Variants in PAQR4 observed in about 807,000 individuals in gnomAD.
The protein encoded by PAQR4 is progestin and adipoQ receptor family member IV.
In PAQR4, 26 loss-of-function variants were observed where a neutral mutation model predicts 20.9. The observed-to-expected ratio is 1.24, with a 90% confidence interval of 0.91 to 1.73. PAQR4 has a LOEUF of 1.73. Among genes scored for constraint, PAQR4 ranks in the 40% most tolerant of loss-of-function variants. PAQR4 has a pLI of 0.00. For missense variants in PAQR4, 400 were observed against 380.1 expected, an observed-to-expected ratio of 1.05 and a Z score of -0.44; for synonymous variants, 193 against 171.6, an observed-to-expected ratio of 1.12 and a Z score of -0.97.
rs191770526 is a variant in PAQR4, at chr16:2,971,038, G to A, written c.167-119G>A. On this transcript the variant is annotated intron_variant, in intron 1 of 2. Coordinates refer to ENST00000318782, the MANE Select transcript of PAQR4 (RefSeq NM_152341.5). ...GCCTGTCTCTGGCCAAGGCCAGGCC[G>A]CCAACTGGATGACAGCATTACCTGG... 250 of 1,035,810 alleles carry A rather than the reference G, an allele frequency of 2.4e-4. 1 individual carries two copies. In the African/African-American group the frequency reaches 3.0e-3, roughly 13 times the overall value. The allele number at this position is 1,035,810 out of a possible 1,614,324, so 64.2% of individuals were successfully genotyped here. A position where few individuals can be genotyped will look rare whatever the true frequency, so the allele number is the denominator to read the frequency against.
In PAQR4 at chr16:2,971,513, A is replaced by G; in HGVS notation, c.389-2A>G. 1.3e-6 allele frequency: 2 copies of G among 1,582,014 alleles called. No homozygotes were observed. The highest frequency in any genetic ancestry group is 1.7e-6 in the Non-Finnish European group (2 of 1,168,324). ...CCTCTCCTGTTCTCTCCTCTTGTGC[A>G]GGGGCCCTGCCCATCATCCACTGCA... On this transcript the variant is annotated splice_acceptor_variant, in intron 2 of 2. Transcript: ENST00000318782. LOFTEE classifies it high-confidence loss of function.
At chr16:2,971,102 G>A (rs1302822127) in intron 1 of PAQR4, 55 bp from the exon 2 acceptor site, 2 of 1,541,308 alleles carry the variant, frequency 1.3e-6, no homozygotes, top group African/African-American at 1.4e-5. Context: ...CTGAACCGTG[G>A]TCCCCTTGAG....
Position 2,969,617 on chromosome 16 carries a change from C to G in PAQR4, c.-58C>G. 7.1e-7 allele frequency: 1 copy of G among 1,412,100 alleles called. No individual in the cohort carries two copies. The highest frequency in any genetic ancestry group is 9.2e-7 in the Non-Finnish European group (1 of 1,087,948). 87.5% of individuals were successfully genotyped at this position (1,412,100 alleles called of 1,614,324 possible). A position where few individuals can be genotyped will look rare whatever the true frequency, so the allele number is the denominator to read the frequency against. ...TGATGGGCCTTCCCGCGCTGCGGCC[C>G]CACTGAGGAGGAGGCTCGGGGACAG... On this transcript the variant is annotated 5_prime_UTR_variant, in exon 1 of 3. Transcript: ENST00000318782.
At position 2,973,012 on chromosome 16, in the gene PAQR4, G is replaced by A; in HGVS notation, c.*1064G>A. On this transcript the variant is annotated 3_prime_UTR_variant, in exon 3 of 3. Transcript: ENST00000318782. ...AGGAGGTTCCGAGGCTCAAAGGAGG[G>A]GAAGGAGCCCCGAGGAGGCTCTGAG... is the stretch of plus-strand genomic sequence containing the variant. 1.2e-6 allele frequency: 2 copies of A among 1,610,602 alleles called. No individual in the cohort carries two copies. Among genetic ancestry groups the A allele is most frequent in the Non-Finnish European group, 1.7e-6 (2 of 1,179,224 alleles).
Position 2,971,185 on chromosome 16 carries a change from G to C in PAQR4, c.195G>C (p.Leu65=). ...TGGCCCTGCTGGGCTTCCTGGTGCTGGTGCCAATGACCATGCCCTGGGGTC... is the reference window on the plus strand; with the variant it reads ...TGGCCCTGCTGGGCTTCCTGGTGCTCGTGCCAATGACCATGCCCTGGGGTC... ...HGLALLGFLV[L]VPMTMPWGQL... Residue 65 remains leucine, a synonymous_variant, in exon 2 of 3, where the codon CTG becomes CTC. Coordinates refer to ENST00000318782, the MANE Select transcript of PAQR4 (RefSeq NM_152341.5). 3.1e-6 allele frequency: 5 copies of C among 1,613,400 alleles called. No individual in the cohort carries two copies. Among genetic ancestry groups the C allele is most frequent in the Non-Finnish European group, 4.2e-6 (5 of 1,179,988 alleles).
chr16:2,971,083 G>T, intron 1 of PAQR4, 74 bp from the exon 2 acceptor site: 1 of 1,442,630 alleles, frequency 6.9e-7, no homozygotes, highest in East Asian at 2.3e-5. Flanking sequence ...GCCCTGTCCT[G>T]TGTTGTGTCT....
In PAQR4 at chr16:2,973,176, C is replaced by T; in HGVS notation, c.*1228C>T. ...TGCTCCGGGGGGTGGAGGTGCTCCC[C>T]ACAGTCCGGGCCAGGACAGCCTCAG... is the stretch of plus-strand genomic sequence containing the variant. On this transcript the variant is annotated 3_prime_UTR_variant, in exon 3 of 3. Transcript: ENST00000318782. 6.5e-7 allele frequency: 1 copy of T among 1,531,328 alleles called. No homozygotes were observed. The highest frequency in any genetic ancestry group is 1.3e-5 in the South Asian group (1 of 79,646). 94.9% of individuals were successfully genotyped at this position (1,531,328 alleles called of 1,614,324 possible). A position where few individuals can be genotyped will look rare whatever the true frequency, so the allele number is the denominator to read the frequency against.
At position 2,973,119 on chromosome 16, in the gene PAQR4, A is replaced by T. The variant is rs2072050199; in HGVS notation, c.*1171A>T. The stretch of plus-strand genomic sequence containing the variant: ...TCCAAAAGCTAGCCCTGCCCACCCC[A>T]GCCCCTGGACCTGCTTACCTGGGTG... On this transcript the variant is annotated 3_prime_UTR_variant, in exon 3 of 3. Transcript: ENST00000318782. 3 of 1,560,980 alleles carry T rather than the reference A, an allele frequency of 1.9e-6. No individual in the cohort carries two copies. In the East Asian group the frequency reaches 6.9e-5, roughly 36 times the overall value.
rs2072073523 is a variant in PAQR4, at chr16:2,973,473, T to C, written c.*1525T>C. On this transcript the variant is annotated 3_prime_UTR_variant, in exon 3 of 3. Coordinates refer to ENST00000318782, the MANE Select transcript of PAQR4 (RefSeq NM_152341.5). ...TGGAGGCAGATTTGAAATAAACTTT[T>C]AGTAAATGTAAGCCTTTCTGGAACT... The C allele has an allele frequency of 1.3e-6, 2 of 1,499,482 alleles. No individual in the cohort carries two copies. Among genetic ancestry groups the C allele is most frequent in the South Asian group, 1.2e-5 (1 of 81,908 alleles). 92.9% of individuals were successfully genotyped at this position (1,499,482 alleles called of 1,614,324 possible).
At chr16:2,970,053 G>C (rs926132235) in intron 1 of PAQR4, 15 of 634,808 alleles carry the variant, frequency 2.4e-5, no homozygotes, top group Non-Finnish European at 4.0e-5. Context: ...TCAGGAGAGG[G>C]GAGCAGAGTA....
In PAQR4 at chr16:2,972,143, G is replaced by C; in HGVS notation, c.*195G>C. ...CCGTGGCGCTCCAACTTCCTTCCCT[G>C]CCTTTTCCCTCCAAGCTCCTATTTT... On this transcript the variant is annotated 3_prime_UTR_variant, in exon 3 of 3. Coordinates refer to ENST00000318782, the MANE Select transcript of PAQR4 (RefSeq NM_152341.5). 1 of 595,256 alleles carries C rather than the reference G, an allele frequency of 1.7e-6. No individual in the cohort carries two copies. Among genetic ancestry groups the C allele is most frequent in the South Asian group, 2.4e-5 (1 of 41,766 alleles). 36.9% of individuals were successfully genotyped at this position (595,256 alleles called of 1,614,324 possible).
Position 2,972,791 on chromosome 16 carries a change from T to C in PAQR4, c.*843T>C. The C allele has an allele frequency of 6.5e-7, 1 of 1,540,156 alleles. No individual in the cohort carries two copies. The highest frequency in any genetic ancestry group is 1.2e-5 in the South Asian group (1 of 83,916). ...CAATAAAGGGACAGGAAGGGCCATG[T>C]TGCCACATGAGCAAGCTTGGGTGCT... On this transcript the variant is annotated 3_prime_UTR_variant, in exon 3 of 3. Coordinates refer to ENST00000318782, the MANE Select transcript of PAQR4 (RefSeq NM_152341.5).
In PAQR4 at chr16:2,969,827, C is replaced by T. The variant is rs114283789; in HGVS notation, c.153C>T (p.Asn51=). ...TCTACCTGCACAACGAACTGGGCAA[C>T]ATCTACACGCACGGTGAGCCGCGTC... ...SLFYLHNELG[N]IYTHGLALLG... Residue 51 remains asparagine, a synonymous_variant, in exon 1 of 3, where the codon AAC becomes AAT. Coordinates refer to ENST00000318782, the MANE Select transcript of PAQR4 (RefSeq NM_152341.5). 2,308 of 1,610,344 alleles carry T rather than the reference C, an allele frequency of 1.4e-3. 33 individuals are homozygous for T. The African/African-American group carries it at 0.028, about 20-fold the overall frequency.
chr16:2,969,829 T>C lies in PAQR4; in HGVS notation c.155T>C (p.Ile52Thr), dbSNP rs533779953. 1.1e-5 allele frequency: 18 copies of C among 1,610,130 alleles called. No homozygotes were observed. In the South Asian group the frequency reaches 1.6e-4, roughly 15 times the overall value. The part of the protein sequence containing the change: ...LFYLHNELGN[I>T]YTHGLALLGF... ...TACCTGCACAACGAACTGGGCAACA[T>C]CTACACGCACGGTGAGCCGCGTCCC... Residue 52 changes from isoleucine (I) to threonine (T), a missense_variant, in exon 1 of 3, where the codon ATC becomes ACC. Transcript: ENST00000318782.
At chr16:2,970,398 C>T (rs1264947804) in intron 1 of PAQR4, among the ~76,000 whole-genome samples, 2 of 152,272 alleles carry the variant, frequency 1.3e-5, no homozygotes, top group Non-Finnish European at 2.9e-5. Flanking sequence ...CGGCCTGGCC[C>T]AGCCTGGGTG....
chr16:2,969,619 A>C lies in PAQR4; in HGVS notation c.-56A>C. On this transcript the variant is annotated 5_prime_UTR_variant, in exon 1 of 3. Transcript: ENST00000318782. ...ATGGGCCTTCCCGCGCTGCGGCCCC[A>C]CTGAGGAGGAGGCTCGGGGACAGCA... is the stretch of plus-strand genomic sequence containing the variant. 7.1e-7 allele frequency: 1 copy of C among 1,414,548 alleles called. No homozygotes were observed. The highest frequency in any genetic ancestry group is 9.2e-7 in the Non-Finnish European group (1 of 1,088,972). 87.6% of individuals were successfully genotyped at this position (1,414,548 alleles called of 1,614,324 possible).
At position 2,969,604 on chromosome 16, in the gene PAQR4, C is replaced by A; in HGVS notation, c.-71C>A. On this transcript the variant is annotated 5_prime_UTR_variant, in exon 1 of 3. Transcript: ENST00000318782. ...GGGCGCCAGGCAGTGATGGGCCTTC[C>A]CGCGCTGCGGCCCCACTGAGGAGGA... 7.2e-7 allele frequency: 1 copy of A among 1,381,536 alleles called. No individual in the cohort carries two copies. Among genetic ancestry groups the A allele is most frequent in the Non-Finnish European group, 9.3e-7 (1 of 1,073,564 alleles). The allele number at this position is 1,381,536 out of a possible 1,614,324, so 85.6% of individuals were successfully genotyped here. A position where few individuals can be genotyped will look rare whatever the true frequency, so the allele number is the denominator to read the frequency against.
At position 2,973,415 on chromosome 16, in the gene PAQR4, G is replaced by A; in HGVS notation, c.*1467G>A. 1 of 1,534,074 alleles carries A rather than the reference G, an allele frequency of 6.5e-7. No homozygotes were observed. The highest frequency in any genetic ancestry group is 1.7e-4 in the Middle Eastern group (1 of 5,964). ...GTCCTTCCATCTGGCTGCACTCCAA[G>A]GCCCCCTCTGTCCTTTTCAGAACAC... On this transcript the variant is annotated 3_prime_UTR_variant, in exon 3 of 3. Coordinates refer to ENST00000318782, the MANE Select transcript of PAQR4 (RefSeq NM_152341.5).
At position 2,969,802 on chromosome 16, in the gene PAQR4, T is replaced by G; in HGVS notation, c.128T>G (p.Phe43Cys). The change falls in exon 1 of 3, where the codon TTC becomes TGC. Residue 43 changes from phenylalanine to cysteine, a missense_variant. Phe to Cys is a radical substitution (Grantham distance 205). Coordinates refer to ENST00000318782, the MANE Select transcript of PAQR4 (RefSeq NM_152341.5). ...SSGSGCLRSLFYLHNELGNIY... is the reference protein window; with the variant it reads ...SSGSGCLRSLCYLHNELGNIY... ...GGCTCGGGCTGCCTGCGCAGCCTCT[T>G]CTACCTGCACAACGAACTGGGCAAC... 1 of 1,610,892 alleles carries G rather than the reference T, an allele frequency of 6.2e-7. No homozygotes were observed. The highest frequency in any genetic ancestry group is 8.5e-7 in the Non-Finnish European group (1 of 1,179,108).
Sources: gnomAD v4.1 joint callset for allele counts (sites outside exome capture counted in the v4.1 genomes callset) on GRCh38, gnomAD v4.1.1 for gene constraint, MANE v1.5 for transcripts, NCBI Gene and HGNC (gene_info 2026-07-23, HGNC 2026-07-21) for gene names.